Variants in LRRC8D observed in about 807,000 individuals in gnomAD.
LRRC8D encodes leucine rich repeat containing 8 VRAC subunit D.
Under a neutral mutation model 55.8 loss-of-function variants are expected in LRRC8D, and 20 were observed. That is an observed-to-expected ratio of 0.36 (90% CI 0.25 to 0.52). The LOEUF (loss-of-function observed/expected upper bound fraction) is 0.52. Ranked by LOEUF, LRRC8D falls within the 20% of genes least tolerant of loss-of-function variation. The probability of loss-of-function intolerance (pLI) is 0.93; values close to 1 mark genes in which losing one functional copy is unlikely to be tolerated. For synonymous variants in LRRC8D, 352 were observed against 377.0 expected, an observed-to-expected ratio of 0.93 and a Z score of 0.77; for missense variants, 651 against 1,030.8, an observed-to-expected ratio of 0.63 and a Z score of 5.05.
intron 2 of LRRC8D, among the ~76,000 whole-genome samples, chr1:89,913,988 AGT>A (rs901480429): frequency 6.6e-6 from 1 of 152,198 alleles, no homozygotes; most frequent in African/African-American, 2.4e-5. Flanking sequence ...GATACGGAAA[AGT>A]GTGGGAAATG....
Position 89,934,182 on chromosome 1 carries a change from A to G in LRRC8D, c.1114A>G (p.Ile372Val), listed in dbSNP as rs767067670. Residue 372 changes from isoleucine to valine, a missense_variant, in exon 3 of 3, where the codon ATT (isoleucine) becomes GTT (valine). This residue lies in a region of LRRC8D where 178 missense variants were observed against 374.9 expected (regional missense o/e 0.47). Coordinates refer to ENST00000337338, the MANE Select transcript of LRRC8D (RefSeq NM_001134479.2). The surrounding 1 kb of genome is among the most constrained non-coding windows in gnomAD (Gnocchi z 5.9). ...LKKLLISYISIICVYGFICLY... is the reference protein window; with the variant it reads ...LKKLLISYISVICVYGFICLY... ...AAAGCTTCTCATCAGTTACATATCC[A>G]TTATTTGTGTTTATGGCTTTATCTG... 1.2e-6 allele frequency: 2 copies of G among 1,614,006 alleles called. No homozygotes were observed. The highest frequency in any genetic ancestry group is 1.7e-6 in the Non-Finnish European group (2 of 1,179,932).
intron 2 of LRRC8D, among the ~76,000 whole-genome samples, chr1:89,886,824 A>AT (rs1162616763): frequency 6.6e-6 from 1 of 152,064 alleles, no homozygotes; most frequent in Non-Finnish European, 1.5e-5. Context: ...AACTTACCTG[A>AT]TTTTTTATTC....
chr1:89,901,831 G>A (rs1195605026), intron 2 of LRRC8D, among the ~76,000 whole-genome samples: 4 of 152,208 alleles, frequency 2.6e-5, no homozygotes, highest in African/African-American at 9.7e-5. Context: ...TCTGTTTGGA[G>A]GAACGCTATA....
chr1:89,849,094 T>C (rs1042952675), intron 2 of LRRC8D, among the ~76,000 whole-genome samples: 1 of 152,196 alleles, frequency 6.6e-6, no homozygotes, highest in East Asian at 1.9e-4. Flanking sequence ...TTGTGCAGTC[T>C]CCAACACTAA....
chr1:89,902,160 A>G (rs1662874640), intron 2 of LRRC8D, among the ~76,000 whole-genome samples: 1 of 152,284 alleles, frequency 6.6e-6, no homozygotes, highest in Non-Finnish European at 1.5e-5. Flanking sequence ...CAACAATTAA[A>G]TGCCAGAAAT....
At chr1:89,849,872 T>C (rs911838578) in intron 2 of LRRC8D, among the ~76,000 whole-genome samples, 1 of 152,192 alleles carries the variant, frequency 6.6e-6, no homozygotes, top group Non-Finnish European at 1.5e-5. Flanking sequence ...ATAGCAACAA[T>C]AAAATCTTTA....
intron 2 of LRRC8D, among the ~76,000 whole-genome samples, chr1:89,913,689 G>A (rs748947210): frequency 2.6e-5 from 4 of 152,174 alleles, no homozygotes; most frequent in Non-Finnish European, 5.9e-5. Context: ...ACAACTTGTG[G>A]TATCAGTTTA....
At chr1:89,847,129 C>T (rs927033761) in intron 2 of LRRC8D, among the ~76,000 whole-genome samples, 1 of 152,062 alleles carries the variant, frequency 6.6e-6, no homozygotes, top group Non-Finnish European at 1.5e-5. Flanking sequence ...ATTTCCTTAT[C>T]TTTGTAGCGC....
intron 2 of LRRC8D, among the ~76,000 whole-genome samples, chr1:89,866,088 A>G (rs902771722): frequency 2.0e-5 from 3 of 152,192 alleles, no homozygotes; most frequent in Non-Finnish European, 4.4e-5. Context: ...CCTTCATGTC[A>G]TTTGACCTTC....
At chr1:89,857,050 C>T (rs927944702) in intron 2 of LRRC8D, among the ~76,000 whole-genome samples, 2 of 151,952 alleles carry the variant, frequency 1.3e-5, no homozygotes, top group East Asian at 1.9e-4. Context: ...TATGTGTATG[C>T]GTAGAAAAAA....
At chr1:89,845,729 CAA>C (rs1442902484) in intron 2 of LRRC8D, among the ~76,000 whole-genome samples, 3 of 152,078 alleles carry the variant, frequency 2.0e-5, no homozygotes, top group Non-Finnish European at 4.4e-5. Flanking sequence ...CTCAGCCAGT[CAA>C]GAGAGATTCT....
In LRRC8D at chr1:89,933,671, A is replaced by C. The variant is rs775358315; in HGVS notation, c.603A>C (p.Gly201=). 6.2e-7 allele frequency: 1 copy of C among 1,614,030 alleles called. No individual in the cohort carries two copies. The highest frequency in any genetic ancestry group is 8.5e-7 in the Non-Finnish European group (1 of 1,180,030). Residue 201 remains glycine, a synonymous_variant, in exon 3 of 3, where the codon GGA becomes GGC. Coordinates refer to ENST00000337338, the MANE Select transcript of LRRC8D (RefSeq NM_001134479.2). The surrounding 1 kb of genome is among the most constrained non-coding windows in gnomAD (Gnocchi z 7.0). The part of the protein sequence containing the change: ...SKVEHFVSIL[G]KCFESPWTTK... ...TAGAACATTTTGTTTCAATATTAGG[A>C]AAGTGCTTTGAATCCCCTTGGACGA...
At chr1:89,892,502 C>T (rs908133208) in intron 2 of LRRC8D, among the ~76,000 whole-genome samples, 4 of 152,190 alleles carry the variant, frequency 2.6e-5, no homozygotes, top group East Asian at 1.9e-4. Context: ...TCTACAGAAC[C>T]GTCACTAGAT....
intron 2 of LRRC8D, among the ~76,000 whole-genome samples, chr1:89,928,689 CCTTTGAA>C (rs778958143): frequency 6.6e-6 from 1 of 152,162 alleles, no homozygotes; most frequent in African/African-American, 2.4e-5. Context: ...ACTGCCACTA[CCTTTGAA>C]CTTTTCTTTT....
Position 89,933,288 on chromosome 1 carries a change from G to A in LRRC8D, c.220G>A (p.Glu74Lys), listed in dbSNP as rs116705117. 7.1e-4 allele frequency: 1,143 copies of A among 1,614,016 alleles called. 7 individuals carry two copies. The African/African-American group carries it at 0.012, about 18-fold the overall frequency. Residue 74 changes from glutamate (E) to lysine (K), a missense_variant, in exon 3 of 3, where the codon GAG (glutamate) becomes AAG (lysine). Transcript: ENST00000337338. The surrounding 1 kb of genome is among the most constrained non-coding windows in gnomAD (Gnocchi z 7.0). Reference sequence around the variant, plus strand: ...GGCACATACACCACCAGGAAATGCCGAGGTCACCACCAACATCCCAAAGAT... The same window carrying A: ...GGCACATACACCACCAGGAAATGCCAAGGTCACCACCAACATCCCAAAGAT... ...SKAHTPPGNA[E>K]VTTNIPKMEA...
Position 89,933,397 on chromosome 1 carries a change from C to G in LRRC8D, c.329C>G (p.Pro110Arg). Residue 110 changes from proline (P) to arginine (R), a missense_variant, in exon 3 of 3, where the codon CCT (proline) becomes CGT (arginine). Physicochemically the swap from Pro to Arg is moderately radical, Grantham distance 103. Transcript: ENST00000337338. This position sits in a 1 kb window ranked among gnomAD's most constrained non-coding sequence, Gnocchi z 7.0. ...ACATCTGCTGTGACACCTGACATACCTCTCAGAGCCACATATCCTCGCACA... is the reference window on the plus strand; with the variant it reads ...ACATCTGCTGTGACACCTGACATACGTCTCAGAGCCACATATCCTCGCACA... The part of the protein sequence containing the change: ...FGTSAVTPDI[P>R]LRATYPRTDF... 6.2e-7 allele frequency: 1 copy of G among 1,614,094 alleles called. No individual in the cohort carries two copies.
At chr1:89,866,163 C>A (rs1007055948) in intron 2 of LRRC8D, among the ~76,000 whole-genome samples, 1 of 152,178 alleles carries the variant, frequency 6.6e-6, no homozygotes, top group African/African-American at 2.4e-5. Flanking sequence ...CAGCCTGAAG[C>A]AGTTACTATA....
chr1:89,838,700 T>C (rs1004229508), intron 1 of LRRC8D, among the ~76,000 whole-genome samples: 2 of 152,194 alleles, frequency 1.3e-5, no homozygotes, highest in African/African-American at 4.8e-5. Flanking sequence ...AACCATCATG[T>C]CCTACTTTAC....
At chr1:89,879,818 G>A (rs142733785) in intron 2 of LRRC8D, among the ~76,000 whole-genome samples, 2 of 152,212 alleles carry the variant, frequency 1.3e-5, no homozygotes, top group East Asian at 3.9e-4. Context: ...AGCTTCATGA[G>A]GGATAAAAAC....
Sources: allele counts gnomAD v4.1 joint callset (sites outside exome capture counted in the v4.1 genomes callset), GRCh38; gene constraint gnomAD v4.1.1; regional missense constraint gnomAD v4.1.1; non-coding constraint Gnocchi (gnomAD v3.1); transcripts MANE v1.5; gene names NCBI Gene and HGNC (gene_info 2026-07-23, HGNC 2026-07-21).